PPM1L: variants seen among roughly 807,000 people sequenced by gnomAD.
The protein encoded by PPM1L is protein phosphatase, Mg2+/Mn2+ dependent 1L.
In PPM1L, 13 loss-of-function variants were observed where a neutral mutation model predicts 31.4. The ratio of observed to expected loss-of-function variants is 0.41; its 90% CI spans 0.27 to 0.66. The LOEUF is 0.66. PPM1L is among the 30% of genes least tolerant of loss of function. The pLI is 0.29. For synonymous variants in PPM1L, 184 were observed against 175.4 expected, an observed-to-expected ratio of 1.05 and a Z score of -0.39; for missense variants, 326 against 453.7, an observed-to-expected ratio of 0.72 and a Z score of 2.56.
intron 1 of PPM1L, among the ~76,000 whole-genome samples, chr3:160,946,086 T>A (rs945609866): frequency 2.0e-5 from 3 of 152,174 alleles, no homozygotes; most frequent in Non-Finnish European, 4.4e-5. Context: ...TGTATGTATG[T>A]AACCCCATGT....
At chr3:160,955,279 G>A (rs535344026) in intron 1 of PPM1L, among the ~76,000 whole-genome samples, 1 of 152,178 alleles carries the variant, frequency 6.6e-6, no homozygotes, top group Admixed American at 6.5e-5. Context: ...CCAAAGTGCT[G>A]TGATTACAGG....
At chr3:161,065,178 T>C (rs1267354278) in intron 2 of PPM1L, among the ~76,000 whole-genome samples, 1 of 152,182 alleles carries the variant, frequency 6.6e-6, no homozygotes, top group African/African-American at 2.4e-5. Context: ...AATTATAATG[T>C]TATCCTAGCC....
chr3:160,955,104 G>A (rs570404910), intron 1 of PPM1L, among the ~76,000 whole-genome samples: 4 of 151,742 alleles, frequency 2.6e-5, no homozygotes, highest in East Asian at 3.9e-4. Flanking sequence ...TCTGCCTTCC[G>A]GGTTCAAGCG....
At chr3:160,916,085 T>C (rs1008992553) in intron 1 of PPM1L, among the ~76,000 whole-genome samples, 1 of 152,194 alleles carries the variant, frequency 6.6e-6, no homozygotes, top group Non-Finnish European at 1.5e-5. Context: ...CAGGAGCTTC[T>C]GCACAGCCAA....
chr3:160,887,642 G>A (rs1288256977), intron 1 of PPM1L, among the ~76,000 whole-genome samples: 2 of 149,800 alleles, frequency 1.3e-5, no homozygotes, highest in African/African-American at 2.5e-5. Context: ...GTGCAGTGGC[G>A]CAATCTTGGC....
At chr3:160,957,930 T>C (rs1388668188) in intron 1 of PPM1L, among the ~76,000 whole-genome samples, 1 of 152,328 alleles carries the variant, frequency 6.6e-6, no homozygotes, top group Non-Finnish European at 1.5e-5. Context: ...TGAGCTTTTT[T>C]TCATGATTGT....
chr3:160,974,588 A>T (rs1716496473), intron 2 of PPM1L, among the ~76,000 whole-genome samples: 1 of 151,466 alleles, frequency 6.6e-6, no homozygotes, highest in African/African-American at 2.4e-5. Context: ...ATGGTATCTC[A>T]TTGTGGTTTT....
chr3:160,964,911 C>T (rs573710843), intron 2 of PPM1L, among the ~76,000 whole-genome samples: 1 of 152,096 alleles, frequency 6.6e-6, no homozygotes, highest in Admixed American at 6.6e-5. Context: ...AAAAACATTA[C>T]TATTTAGCAG....
intron 2 of PPM1L, among the ~76,000 whole-genome samples, chr3:161,006,291 A>G (rs995607456): frequency 5.3e-5 from 8 of 152,230 alleles, no homozygotes; most frequent in African/African-American, 1.7e-4. Context: ...AATGCAAGAT[A>G]TGTACAGCAG....
chr3:161,061,863 C>CA (rs1338481021), intron 2 of PPM1L, among the ~76,000 whole-genome samples: 1 of 152,260 alleles, frequency 6.6e-6, no homozygotes, highest in Non-Finnish European at 1.5e-5. Context: ...ACAACAACAA[C>CA]AAAAAATTCA....
intron 1 of PPM1L, among the ~76,000 whole-genome samples, chr3:160,760,874 A>T (rs1412875940): frequency 6.6e-6 from 1 of 152,164 alleles, no homozygotes; most frequent in African/African-American, 2.4e-5. Flanking sequence ...ATGTATCTTG[A>T]TAATTGACAC....
At chr3:160,976,710 T>C (rs1235065165) in intron 2 of PPM1L, among the ~76,000 whole-genome samples, 27 of 152,274 alleles carry the variant, frequency 1.8e-4, no homozygotes, top group Admixed American at 5.9e-4. Flanking sequence ...TCTGTGGGAT[T>C]GGTGGTGATA....
intron 2 of PPM1L, among the ~76,000 whole-genome samples, chr3:161,006,515 T>TA (rs1206974952): frequency 2.0e-5 from 3 of 152,118 alleles, no homozygotes; most frequent in African/African-American, 7.2e-5. Flanking sequence ...TTTACCATAA[T>TA]AAAAGATAAA....
intron 2 of PPM1L, among the ~76,000 whole-genome samples, chr3:161,027,876 A>G (rs1031652762): frequency 6.6e-6 from 1 of 152,224 alleles, no homozygotes; most frequent in African/African-American, 2.4e-5. Context: ...GAAATGAGAA[A>G]CTGAATAAAA....
intron 2 of PPM1L, among the ~76,000 whole-genome samples, chr3:161,020,163 A>G (rs1384864621): frequency 1.3e-5 from 2 of 152,042 alleles, no homozygotes; most frequent in Non-Finnish European, 1.5e-5. Flanking sequence ...CCTAGAAAAA[A>G]CAAGACATCT....
At chr3:161,011,690 C>G (rs1291269204) in intron 2 of PPM1L, among the ~76,000 whole-genome samples, 1 of 152,112 alleles carries the variant, frequency 6.6e-6, no homozygotes, top group Non-Finnish European at 1.5e-5. Flanking sequence ...TCTTTTATTT[C>G]GTTGAGCAGT....
intron 1 of PPM1L, among the ~76,000 whole-genome samples, chr3:160,838,717 G>A (rs1242060475): frequency 6.6e-6 from 1 of 152,128 alleles, no homozygotes. Context: ...TCATAGCAAT[G>A]TGAGGCCATC....
chr3:160,756,803 A>C lies in PPM1L; in HGVS notation c.399+96A>C. The C allele has an allele frequency of 8.0e-7, 1 of 1,252,214 alleles. No individual in the cohort carries two copies. The highest frequency in any genetic ancestry group is 1.5e-5 in the African/African-American group (1 of 65,100). 77.6% of individuals were successfully genotyped at this position (1,252,214 alleles called of 1,614,324 possible). A position where few individuals can be genotyped will look rare whatever the true frequency, so the allele number is the denominator to read the frequency against. Reference sequence around the variant, plus strand: ...TGTGTGTGTGTGTATAAACAACAGGACAGCGTGTGCGCAGCGGGAGAGGAT... The same window carrying C: ...TGTGTGTGTGTGTATAAACAACAGGCCAGCGTGTGCGCAGCGGGAGAGGAT... On this transcript the variant is annotated intron_variant, in intron 1 of 3. Transcript: ENST00000498165. This position sits in a 1 kb window ranked among gnomAD's most constrained non-coding sequence, Gnocchi z 6.2.
chr3:160,914,411 G>T (rs1456930701), intron 1 of PPM1L, among the ~76,000 whole-genome samples: 1 of 151,252 alleles, frequency 6.6e-6, no homozygotes, highest in African/African-American at 2.4e-5. Context: ...TTAACATTAG[G>T]TATATCTCCT....
Sources: allele counts gnomAD v4.1 joint callset (sites outside exome capture counted in the v4.1 genomes callset), GRCh38; gene constraint gnomAD v4.1.1; non-coding constraint Gnocchi (gnomAD v3.1); transcripts MANE v1.5; gene names NCBI Gene and HGNC (gene_info 2026-07-23, HGNC 2026-07-21).